Variants in LAMC3 observed in about 807,000 individuals in gnomAD.
The protein encoded by LAMC3 is laminin subunit gamma-3.
A neutral mutation model predicts 173.8 loss-of-function variants in LAMC3; 128 were observed. The ratio of observed to expected loss-of-function variants is 0.74; its 90% CI spans 0.64 to 0.85. LAMC3 has a LOEUF of 0.85. Among genes scored for constraint, LAMC3 ranks in the 40% least tolerant of loss-of-function variants. The probability of loss-of-function intolerance (pLI) is 0.00; values close to 1 mark genes in which losing one functional copy is unlikely to be tolerated. For missense variants in LAMC3, 2,022 were observed against 2,156.0 expected (o/e 0.94, Z 1.23); for synonymous variants, 897 against 909.1 (o/e 0.99, Z 0.24).
At chr9:131,017,451 T>G (rs1040791968) in intron 1 of LAMC3, among the ~76,000 whole-genome samples, 4 of 151,388 alleles carry the variant, frequency 2.6e-5, no homozygotes, top group African/African-American at 4.9e-5. Context: ...AGAGGCCGGG[T>G]GCGGTCCTTA....
In LAMC3 at chr9:131,087,569, C is replaced by G. The variant is rs553845055; in HGVS notation, c.4324C>G (p.Gln1442Glu). 1.2e-5 allele frequency: 20 copies of G among 1,613,980 alleles called. No homozygotes were observed. In the South Asian group the frequency reaches 2.2e-4, roughly 18 times the overall value. ...GCAAGCCACGCTCCAACAGGCGTCCCAGCAGGTGCTGGCGTCTGAAGCACG... is the reference window on the plus strand; with the variant it reads ...GCAAGCCACGCTCCAACAGGCGTCCGAGCAGGTGCTGGCGTCTGAAGCACG... ...QTQATLQQAS[Q>E]QVLASEARRQ... Residue 1442 changes from glutamine (Q) to glutamate (E), a missense_variant, in exon 26 of 28, where the codon CAG (glutamine) becomes GAG (glutamate). Gln to Glu is a conservative substitution (Grantham distance 29). Transcript: ENST00000361069.
chr9:131,045,943 C>T (rs1834146655), intron 8 of LAMC3, among the ~76,000 whole-genome samples: 1 of 152,170 alleles, frequency 6.6e-6, no homozygotes. Context: ...TCCCACTCAC[C>T]CCGTTGAGAC....
chr9:131,073,403 C>T (rs1256302704), intron 20 of LAMC3, 82 bp downstream of exon 20: 1 of 1,054,634 alleles, frequency 9.5e-7, no homozygotes, highest in Non-Finnish European at 1.5e-6. Context: ...CAGGTGCCCC[C>T]ACCCAGAAGT....
rs33965311 is a variant in LAMC3, at chr9:131,012,062, TACAC to T, written c.373+2502_373+2505del. Among the ~76,000 whole-genome samples, 763 of 138,482 alleles carry T rather than the reference TACAC, an allele frequency of 5.5e-3. 10 individuals are homozygous for T. Among genetic ancestry groups the T allele is most frequent in the African/African-American group, 0.018 (671 of 38,284 alleles). The allele number at this position is 138,482 out of a possible 152,430, so 90.8% of individuals were successfully genotyped here. On this transcript the variant is annotated intron_variant, in intron 1 of 27. Transcript: ENST00000361069. ...TGTAGAGAGCGAACACACACACACA[TACAC>T]ACACACACACACACACACACACACA... is the stretch of plus-strand genomic sequence containing the variant.
At chr9:131,040,051 G>A (rs573124650) in intron 6 of LAMC3, among the ~76,000 whole-genome samples, 1 of 69,672 alleles carries the variant, frequency 1.4e-5, no homozygotes, top group African/African-American at 5.3e-5. Flanking sequence ...TTCTTGTTTT[G>A]TCAACCAGGC....
chr9:131,093,683 G>T lies in LAMC3; in HGVS notation c.*1896G>T, dbSNP rs985316486. The T allele has an allele frequency of 6.6e-6, 1 of 152,262 alleles. No homozygotes were observed. Among genetic ancestry groups the T allele is most frequent in the Non-Finnish European group, 1.5e-5 (1 of 68,106 alleles). The allele number at this position is 152,262 out of a possible 1,614,324, so 9.4% of individuals were successfully genotyped here. A position where few individuals can be genotyped will look rare whatever the true frequency, so the allele number is the denominator to read the frequency against. On this transcript the variant is annotated 3_prime_UTR_variant, in exon 28 of 28. Coordinates refer to ENST00000361069, the MANE Select transcript of LAMC3 (RefSeq NM_006059.4). ...CCTGGAGTAAAAACGGCTGCCACGT[G>T]TTGGAGATAGCCTAGGGAGGGGAGC...
intron 13 of LAMC3, among the ~76,000 whole-genome samples, chr9:131,063,482 T>C (rs1467110830): frequency 6.6e-6 from 1 of 152,198 alleles, no homozygotes; most frequent in African/African-American, 2.4e-5. Flanking sequence ...GAGTGGACTT[T>C]AGACCTGGGA....
chr9:131,075,493 G>A (rs936011066), intron 20 of LAMC3, among the ~76,000 whole-genome samples: 1 of 151,442 alleles, frequency 6.6e-6, no homozygotes, highest in Non-Finnish European at 1.5e-5. Flanking sequence ...GAGCCCAGGA[G>A]GGGAGGTTGC....
chr9:131,027,527 T>C (rs1361425538), intron 2 of LAMC3, among the ~76,000 whole-genome samples: 1 of 152,184 alleles, frequency 6.6e-6, no homozygotes, highest in African/African-American at 2.4e-5. Flanking sequence ...CTAGCTGCAT[T>C]GTCCCATGTG....
chr9:131,045,385 TC>T, intron 7 of LAMC3, 138 bp from the exon 8 acceptor site: 1 of 914,986 alleles, frequency 1.1e-6, no homozygotes, highest in East Asian at 2.6e-5. Context: ...TTACTACTCT[TC>T]TAGAATTCTG....
rs1478577388 is a variant in LAMC3, at chr9:131,009,600, TG to T, written c.373+18del. ...ACCCTCCGCCTAGGTAAGCGCGGGC[TG>T]GGGGCACCGCCACCGCACCCCGTGT... On this transcript the variant is annotated intron_variant, in intron 1 of 27. Transcript: ENST00000361069. This position sits in a 1 kb window ranked among gnomAD's most constrained non-coding sequence, Gnocchi z 4.3. The T allele has an allele frequency of 1.9e-6, 3 of 1,563,742 alleles. No individual in the cohort carries two copies.
Position 131,093,445 on chromosome 9 carries a change from G to C in LAMC3, c.*1658G>C, listed in dbSNP as rs527880054. On this transcript the variant is annotated 3_prime_UTR_variant, in exon 28 of 28. Coordinates refer to ENST00000361069, the MANE Select transcript of LAMC3 (RefSeq NM_006059.4). ...TGGTGTGGGTGGGGCCTTGAAGGGT[G>C]GGGAGGCAGAGAAGGAAGCATTCCA... 2.0e-5 allele frequency: 3 copies of C among 152,334 alleles called. No homozygotes were observed. Among genetic ancestry groups the C allele is most frequent in the South Asian group, 4.1e-4 (2 of 4,834 alleles). 9.4% of individuals were successfully genotyped at this position (152,334 alleles called of 1,614,324 possible).
chr9:131,045,683 G>A (rs1386219770), intron 8 of LAMC3, 23 bp downstream of exon 8: 11 of 1,613,234 alleles, frequency 6.8e-6, no homozygotes, highest in East Asian at 4.5e-5. Context: ...CCCTGCAAAC[G>A]CCTCCCAAGG....
In LAMC3 at chr9:131,061,133, C is replaced by T. The variant is rs921618443; in HGVS notation, c.2257C>T (p.Gln753Ter). 6.2e-7 allele frequency: 1 copy of T among 1,613,708 alleles called. No individual in the cohort carries two copies. Among genetic ancestry groups the T allele is most frequent in the Admixed American group, 1.7e-5 (1 of 60,028 alleles). ...NPFAGQADDC[Q>*]PCPCPGQSAC... is the part of the protein sequence containing the mutation. The stretch of plus-strand genomic sequence containing the variant: ...TTTCGCGGGCCAAGCCGACGACTGC[C>T]AGCCCTGTCCCTGCCCTGGCCAGTC... Residue 753 changes from glutamine to a stop codon, truncating the protein, a stop_gained, in exon 13 of 28, where the codon CAG (glutamine) becomes TAG (stop). Transcript: ENST00000361069. LOFTEE classifies it high-confidence loss of function.
At chr9:131,072,539 A>G (rs1588164220) in intron 18 of LAMC3, 91 bp from the exon 19 acceptor site, 5 of 1,025,196 alleles carry the variant, frequency 4.9e-6, no homozygotes, top group East Asian at 2.6e-5. Flanking sequence ...TGCCTGGGGA[A>G]TGGAGGCCAC....
chr9:131,091,516 G>A (rs1253327452), intron 27 of LAMC3, 21 bp from the exon 28 acceptor site: 3 of 1,566,996 alleles, frequency 1.9e-6, no homozygotes, highest in African/African-American at 2.7e-5. Flanking sequence ...TCACAGTGAG[G>A]CTGTTTGTGC....
intron 1 of LAMC3, among the ~76,000 whole-genome samples, chr9:131,016,595 A>G (rs1256491158): frequency 6.6e-6 from 1 of 152,208 alleles, no homozygotes; most frequent in African/African-American, 2.4e-5. Flanking sequence ...AAAAATGGGA[A>G]CCATAAGGGA....
chr9:131,013,862 G>A (rs1223726927), intron 1 of LAMC3, among the ~76,000 whole-genome samples: 1 of 152,178 alleles, frequency 6.6e-6, no homozygotes, highest in African/African-American at 2.4e-5. Context: ...GAGGGGTCCT[G>A]GAGCCAGCTG....
At chr9:131,086,867 C>T (rs1830340907) in intron 25 of LAMC3, among the ~76,000 whole-genome samples, 1 of 149,214 alleles carries the variant, frequency 6.7e-6, no homozygotes, top group East Asian at 2.0e-4. Context: ...CCAGCCTGGG[C>T]AACAGAGGGA....
Sources: gnomAD v4.1 joint callset for allele counts (sites outside exome capture counted in the v4.1 genomes callset) on GRCh38, gnomAD v4.1.1 for gene constraint, Gnocchi (gnomAD v3.1) non-coding constraint, MANE v1.5 for transcripts, NCBI Gene and HGNC (gene_info 2026-07-23, HGNC 2026-07-21) for gene names.